The following CMIP variants were observed in gnomAD, a reference collection of about 807,000 sequenced individuals.
CMIP encodes the protein C-Maf-inducing protein.
In CMIP, 13 loss-of-function variants were observed where a neutral mutation model predicts 97.3. The observed-to-expected ratio is 0.13, with a 90% CI of 0.09 to 0.21. The LOEUF is 0.21. Ranked by LOEUF, CMIP falls within the 10% of genes least tolerant of loss-of-function variation. The pLI, the probability that CMIP is intolerant of heterozygous loss-of-function variation, is 1.00. For missense variants in CMIP, 847 were observed against 1,024.9 expected (o/e 0.83, Z 2.37); for synonymous variants, 538 against 436.3 (o/e 1.23, Z -2.91).
intron 1 of CMIP, among the ~76,000 whole-genome samples, chr16:81,502,465 G>A (rs1268961479): frequency 6.6e-6 from 1 of 152,166 alleles, no homozygotes. Flanking sequence ...AGCCTGGCTC[G>A]CCTGGGGGTG....
intron 1 of CMIP, among the ~76,000 whole-genome samples, chr16:81,538,247 A>G (rs2090383539): frequency 2.0e-5 from 3 of 152,220 alleles, no homozygotes; most frequent in Non-Finnish European, 2.9e-5. Flanking sequence ...ACCCATAAGC[A>G]TGGGCTGCCT....
rs989935865 is a variant in CMIP, at chr16:81,693,149, T to C, written c.1455-9T>C. ...TTAACCGCCGTGTTTTCCCCTGTTTTTGTTGCAGAGCTCTCGCACATGAGA... is the reference window on the plus strand; with the variant it reads ...TTAACCGCCGTGTTTTCCCCTGTTTCTGTTGCAGAGCTCTCGCACATGAGA... On this transcript the variant is annotated splice_polypyrimidine_tract_variant and intron_variant, in intron 11 of 20. Coordinates refer to ENST00000537098, the MANE Select transcript of CMIP (RefSeq NM_198390.3). 1.9e-6 allele frequency: 3 copies of C among 1,612,640 alleles called. No homozygotes were observed. The highest frequency in any genetic ancestry group is 2.5e-6 in the Non-Finnish European group (3 of 1,178,776).
In CMIP at chr16:81,584,974, T is replaced by A. The variant is rs137889889; in HGVS notation, c.301-22593T>A. ...TATCACCCGTAAGTTTGGAAAATTCTTAGAATTCATTGCATTCGTGTGGAA... is the reference window on the plus strand; with the variant it reads ...TATCACCCGTAAGTTTGGAAAATTCATAGAATTCATTGCATTCGTGTGGAA... On this transcript the variant is annotated intron_variant, in intron 1 of 20. Coordinates refer to ENST00000537098, the MANE Select transcript of CMIP (RefSeq NM_198390.3). Among the ~76,000 whole-genome samples the A allele has an allele frequency of 3.7e-4, 57 of 152,376 alleles. No homozygotes were observed. The East Asian group carries it at 8.5e-3, about 23-fold the overall frequency.
At chr16:81,709,352 C>G (rs1231403374) in intron 20 of CMIP, among the ~76,000 whole-genome samples, 2 of 152,192 alleles carry the variant, frequency 1.3e-5, no homozygotes, top group Non-Finnish European at 2.9e-5. Context: ...CTAGCACCAT[C>G]CTTTGAGCCA....
chr16:81,571,111 C>A (rs1030871707), intron 1 of CMIP, among the ~76,000 whole-genome samples: 1 of 152,150 alleles, frequency 6.6e-6, no homozygotes, highest in South Asian at 2.1e-4. Context: ...CGTATGGGAA[C>A]TCTAGGTACT....
intron 1 of CMIP, among the ~76,000 whole-genome samples, chr16:81,578,121 T>C (rs1181728580): frequency 1.3e-5 from 2 of 151,428 alleles, no homozygotes; most frequent in Non-Finnish European, 1.5e-5. Flanking sequence ...TTATTATCAC[T>C]ATCACCATCA....
At chr16:81,639,775 C>T (rs763748024) in intron 3 of CMIP, among the ~76,000 whole-genome samples, 5 of 152,176 alleles carry the variant, frequency 3.3e-5, no homozygotes, top group Non-Finnish European at 7.4e-5. Context: ...GTTCTGCCTG[C>T]CCCCAACACC....
Position 81,655,255 on chromosome 16 carries a change from G to A in CMIP, c.640-2520G>A, listed in dbSNP as rs2092469705. On this transcript the variant is annotated intron_variant, in intron 4 of 20. Transcript: ENST00000537098. This position sits in a 1 kb window ranked among gnomAD's most constrained non-coding sequence, Gnocchi z 4.9. ...TTGTTTCTCTGTTCTGTTTGCCCAA[G>A]TTGTTTGCAAGGCCTCCTCTGGAGA... Among the ~76,000 whole-genome samples, 1 of 152,182 alleles carries A rather than the reference G, an allele frequency of 6.6e-6. No homozygotes were observed. The highest frequency in any genetic ancestry group is 2.4e-5 in the African/African-American group (1 of 41,438).
At position 81,554,944 on chromosome 16, in the gene CMIP, TC is replaced by T. The variant is rs145165839; in HGVS notation, c.301-52621del. 1.8e-3 allele frequency among the ~76,000 whole-genome samples: 268 copies of T among 152,258 alleles called. 5 individuals carry two copies. The East Asian group carries it at 0.038, about 21-fold the overall frequency. On this transcript the variant is annotated intron_variant, in intron 1 of 20. Transcript: ENST00000537098. ...CCGCAGGTGTCATTGGGCTGGAAGC[TC>T]CTAGGGATGCCCCCCAGAAGGGGGG...
At chr16:81,536,362 G>T (rs2090342686) in intron 1 of CMIP, among the ~76,000 whole-genome samples, 2 of 152,230 alleles carry the variant, frequency 1.3e-5, no homozygotes, top group Middle Eastern at 3.4e-3. Context: ...AGTGTGGCCT[G>T]TGTGCTTGCT....
At position 81,620,935 on chromosome 16, in the gene CMIP, T is replaced by A; in HGVS notation, c.477+9T>A. 1 of 1,613,876 alleles carries A rather than the reference T, an allele frequency of 6.2e-7. No individual in the cohort carries two copies. The highest frequency in any genetic ancestry group is 8.5e-7 in the Non-Finnish European group (1 of 1,179,788). On this transcript the variant is annotated intron_variant, in intron 3 of 20. Transcript: ENST00000537098. ...ATTCTCTGCAATGGAAGGTAAGTAC[T>A]GACTCGGTTGCTTGTTTAAAGCGAC...
chr16:81,542,319 C>T (rs1351255471), intron 1 of CMIP, among the ~76,000 whole-genome samples: 1 of 152,194 alleles, frequency 6.6e-6, no homozygotes, highest in African/African-American at 2.4e-5. Context: ...TGCTCGGACA[C>T]CCCACCAGTG....
At chr16:81,481,324 C>T (rs564624368) in intron 1 of CMIP, among the ~76,000 whole-genome samples, 1 of 152,178 alleles carries the variant, frequency 6.6e-6, no homozygotes, top group African/African-American at 2.4e-5. Flanking sequence ...TCATTCCAGC[C>T]TCATGGCAGG....
At chr16:81,557,911 TCAGA>T (rs747113830) in intron 1 of CMIP, among the ~76,000 whole-genome samples, 1 of 152,186 alleles carries the variant, frequency 6.6e-6, no homozygotes, top group Non-Finnish European at 1.5e-5. Context: ...TTTCATCTTA[TCAGA>T]CAGAGACTCT....
chr16:81,612,259 G>A (rs1375898120), intron 2 of CMIP, among the ~76,000 whole-genome samples: 2 of 152,156 alleles, frequency 1.3e-5, no homozygotes, highest in East Asian at 1.9e-4. Context: ...AGACAGAGCC[G>A]CTGCTCCACA....
At chr16:81,624,049 C>G (rs1261940445) in intron 3 of CMIP, among the ~76,000 whole-genome samples, 4 of 151,978 alleles carry the variant, frequency 2.6e-5, no homozygotes, top group Non-Finnish European at 5.9e-5. Flanking sequence ...TCTCTCCCCT[C>G]TTTATTTACA....
chr16:81,496,782 C>G lies in CMIP; in HGVS notation c.300+51241C>G, dbSNP rs139052945. 6.8e-3 allele frequency among the ~76,000 whole-genome samples: 1,037 copies of G among 152,368 alleles called. 6 individuals carry two copies. The highest frequency in any genetic ancestry group is 0.024 in the African/African-American group (1,003 of 41,584). On this transcript the variant is annotated intron_variant, in intron 1 of 20. Transcript: ENST00000537098. ...CAGTTTGAAACCTGGTGCTCCATCT[C>G]TTGGGCTTCTTCCCAATTAAAATGA...
chr16:81,697,027 A>C, intron 14 of CMIP: 1 of 259,426 alleles, frequency 3.9e-6, no homozygotes, highest in Non-Finnish European at 7.4e-6. Context: ...CCTACAAGAA[A>C]TTGAGTGCCC....
chr16:81,482,974 G>A (rs988862653), intron 1 of CMIP, among the ~76,000 whole-genome samples: 1 of 152,250 alleles, frequency 6.6e-6, no homozygotes, highest in Non-Finnish European at 1.5e-5. Context: ...TTGCAGGCAC[G>A]GAGCAAAGCA....
Sources: gnomAD v4.1 joint callset for allele counts (sites outside exome capture counted in the v4.1 genomes callset) on GRCh38, gnomAD v4.1.1 for gene constraint, Gnocchi (gnomAD v3.1) non-coding constraint, MANE v1.5 for transcripts, NCBI Gene and HGNC (gene_info 2026-07-23, HGNC 2026-07-21) for gene names.